Variants in TRPM1 observed in about 807,000 individuals in gnomAD.
TRPM1 encodes TRPM1-203 APA Isoform, Intron 10.
Under a neutral mutation model 149.4 loss-of-function variants are expected in TRPM1, and 113 were observed. The ratio of observed to expected loss-of-function variants is 0.76; its 90% CI spans 0.65 to 0.88. TRPM1 has a LOEUF of 0.88. TRPM1 is among the 40% of genes least tolerant of loss of function. The probability of loss-of-function intolerance (pLI) is 0.00; values close to 1 mark genes in which losing one functional copy is unlikely to be tolerated. For missense variants in TRPM1, 1,976 were observed against 2,038.7 expected, an observed-to-expected ratio of 0.97 and a Z score of 0.59; for synonymous variants, 741 against 759.5, an observed-to-expected ratio of 0.98 and a Z score of 0.40.
chr15:31,119,577 A>G (rs2035849246), intron 1 of TRPM1, among the ~76,000 whole-genome samples: 1 of 152,202 alleles, frequency 6.6e-6, no homozygotes. Context: ...AGAGTGTTAG[A>G]GAAGAAATAA....
intron 21 of TRPM1, among the ~76,000 whole-genome samples, chr15:31,035,105 AG>A (rs2033293242): frequency 6.6e-6 from 1 of 152,218 alleles, no homozygotes; most frequent in Non-Finnish European, 1.5e-5. Context: ...CCAGGGTTCA[AG>A]TGATCCTTCC....
chr15:31,088,843 C>T (rs867867607), intron 1 of TRPM1, among the ~76,000 whole-genome samples: 1 of 147,300 alleles, frequency 6.8e-6, no homozygotes, highest in Non-Finnish European at 1.5e-5. Flanking sequence ...CGGGGCGATG[C>T]GATAAGCCCT....
intron 11 of TRPM1, among the ~76,000 whole-genome samples, chr15:31,055,264 T>C (rs572833292): frequency 1.1e-4 from 16 of 152,214 alleles, no homozygotes; most frequent in Non-Finnish European, 2.1e-4. Flanking sequence ...ATGTGTTTCC[T>C]GTCTTCCCTC....
At chr15:31,052,349 G>A (rs755200586) in intron 11 of TRPM1, among the ~76,000 whole-genome samples, 10 of 152,132 alleles carry the variant, frequency 6.6e-5, no homozygotes, top group East Asian at 3.9e-4. Flanking sequence ...GAGTGACACC[G>A]CATCCAACAA....
At chr15:31,033,115 C>A in intron 21 of TRPM1, 175 bp from the exon 22 acceptor site, 1 of 818,802 alleles carries the variant, frequency 1.2e-6, no homozygotes, top group South Asian at 1.6e-5. Flanking sequence ...AGGGAAATTC[C>A]ACGGAATCCT....
At chr15:31,156,935 T>TA (rs1019423197) in intron 1 of TRPM1, among the ~76,000 whole-genome samples, 1 of 151,938 alleles carries the variant, frequency 6.6e-6, no homozygotes, top group African/African-American at 2.4e-5. Flanking sequence ...CATTTATTTT[T>TA]TTTTTTTTGA....
rs1486822402 is a variant in TRPM1, at chr15:31,047,188, T to C, written c.1687A>G (p.Met563Val). ...TAGTTGCAGCGGTAGGCTCCTCCCATGAGGTACTCCAGCACGAGCCCGATG... is the reference window on the plus strand; with the variant it reads ...TAGTTGCAGCGGTAGGCTCCTCCCACGAGGTACTCCAGCACGAGCCCGATG... ...IDIGLVLEYL[M>V]GGAYRCNYTR... is the part of the protein sequence containing the mutation. The change falls in exon 15 of 28, where the codon ATG (methionine) becomes GTG (valine). Residue 563 changes from methionine (M) to valine (V), a missense_variant. By Grantham distance (21) the Met-to-Val change is conservative (BLOSUM62 1). This residue lies in a region of TRPM1 where 1,332 missense variants were observed against 1,347.1 expected (regional missense o/e 0.99). Transcript: ENST00000256552. 3.7e-6 allele frequency: 6 copies of C among 1,614,068 alleles called. No homozygotes were observed. The Admixed American group carries it at 6.7e-5, about 18-fold the overall frequency.
chr15:31,069,828 G>T (rs760854387), intron 4 of TRPM1: 6 of 1,522,404 alleles, frequency 3.9e-6, no homozygotes, highest in Non-Finnish European at 5.2e-6. Context: ...GACACTAGAT[G>T]TTCTTTACAG....
intron 27 of TRPM1, among the ~76,000 whole-genome samples, chr15:31,017,479 C>T (rs1013186141): frequency 2.6e-5 from 4 of 152,248 alleles, no homozygotes; most frequent in African/African-American, 7.2e-5. Context: ...CATTGGCATT[C>T]GGGATGAAGC....
At position 31,159,992 on chromosome 15, in the gene TRPM1, C is replaced by T. The variant is rs141228806; in HGVS notation, c.54+914G>A. On this transcript the variant is annotated intron_variant, in intron 1 of 26. Transcript: ENST00000542188. ...CCCACACAAGGGCTGCACCTACTGC[C>T]GCTCTGCCAGCTCCCTTGCTGCCTC... Among the ~76,000 whole-genome samples, 947 of 152,218 alleles carry T rather than the reference C, an allele frequency of 6.2e-3. 4 individuals are homozygous for T. Among genetic ancestry groups the T allele is most frequent in the Non-Finnish European group, 0.01 (696 of 67,998 alleles).
At chr15:31,120,049 A>C (rs371988103) in intron 1 of TRPM1, among the ~76,000 whole-genome samples, 1 of 152,152 alleles carries the variant, frequency 6.6e-6, no homozygotes, top group African/African-American at 2.4e-5. Flanking sequence ...CAACTAAAAA[A>C]CAGAGTCTGT....
intron 1 of TRPM1, among the ~76,000 whole-genome samples, chr15:31,117,907 C>G (rs2035823589): frequency 6.6e-6 from 1 of 152,036 alleles, no homozygotes; most frequent in Non-Finnish European, 1.5e-5. Flanking sequence ...AACTGGAATG[C>G]AAATTAAAAT....
chr15:31,014,999 G>T (rs1566989335), intron 27 of TRPM1, among the ~76,000 whole-genome samples: 2 of 152,050 alleles, frequency 1.3e-5, no homozygotes, highest in African/African-American at 2.4e-5. Flanking sequence ...TGAGGCAGGG[G>T]GTGGGGGTGG....
Position 31,050,477 on chromosome 15 carries a change from T to A in TRPM1, c.1369A>T (p.Lys457Ter), listed in dbSNP as rs774379297. 8.7e-6 allele frequency: 14 copies of A among 1,613,992 alleles called. No individual in the cohort carries two copies. In the African/African-American group the frequency reaches 1.9e-4, roughly 22 times the overall value. Reference sequence around the variant, plus strand: ...ACTTCCTCTTTCACTTTCCCTTTCTTCTTGCCTTTCCCTTTTCCTCTTCCT... The same window carrying A: ...ACTTCCTCTTTCACTTTCCCTTTCTACTTGCCTTTCCCTTTTCCTCTTCCT... ...KGGRGKGKGKKKGKVKEEVEE... is the reference protein window; with the variant it reads ...KGGRGKGKGK The change falls in exon 12 of 28, where the codon AAG becomes TAG. Residue 457 changes from lysine (K) to a stop codon, truncating the protein, a stop_gained. Transcript: ENST00000256552. LOFTEE classifies it high-confidence loss of function.
In TRPM1 at chr15:31,062,607, A is replaced by T. The variant is rs772479213; in HGVS notation, c.1061T>A (p.Ile354Lys). 4 of 1,614,192 alleles carry T rather than the reference A, an allele frequency of 2.5e-6. No homozygotes were observed. Among genetic ancestry groups the T allele is most frequent in the Non-Finnish European group, 3.4e-6 (4 of 1,180,026 alleles). ...KAQSHQLFAI[I>K]MECMKKKELV... is the part of the protein sequence containing the mutation. ...TTCTTTCTTCTTCATGCACTCCATT[A>T]TAATTGCAAACAGCTGATGTGATTG... The change falls in exon 9 of 28, where the codon ATA becomes AAA. Residue 354 changes from isoleucine (I) to lysine (K), a missense_variant. Transcript: ENST00000256552.
chr15:31,120,247 C>A (rs564237118), intron 1 of TRPM1, among the ~76,000 whole-genome samples: 2 of 151,808 alleles, frequency 1.3e-5, no homozygotes, highest in South Asian at 4.2e-4. Flanking sequence ...CAAAAGAAAG[C>A]TGGAGTAGCT....
chr15:31,133,382 A>C (rs570535373), intron 1 of TRPM1, among the ~76,000 whole-genome samples: 2 of 151,400 alleles, frequency 1.3e-5, no homozygotes, highest in South Asian at 4.2e-4. Flanking sequence ...AGCATGATCC[A>C]CATGGTGAAA....
intron 1 of TRPM1, among the ~76,000 whole-genome samples, chr15:31,116,602 GAAATAAAT>G (rs56343838): frequency 2.3e-4 from 33 of 143,714 alleles, no homozygotes; most frequent in African/African-American, 6.3e-4. Context: ...AACTCCATCT[GAAATAAAT>G]AAATAAATAA....
chr15:31,078,174 C>T (rs1002863735), intron 2 of TRPM1, among the ~76,000 whole-genome samples: 4 of 152,102 alleles, frequency 2.6e-5, no homozygotes, highest in Non-Finnish European at 4.4e-5. Flanking sequence ...GAGGTATCTG[C>T]GGGGTGAGGC....
Sources: gnomAD v4.1 joint callset for allele counts (sites outside exome capture counted in the v4.1 genomes callset) on GRCh38, gnomAD v4.1.1 for gene constraint, gnomAD v4.1.1 regional missense constraint, MANE v1.5 for transcripts, NCBI Gene and HGNC (gene_info 2026-07-23, HGNC 2026-07-21) for gene names.